ARFGEF1: variants seen among roughly 807,000 people sequenced by gnomAD.
ARFGEF1 encodes brefeldin A-inhibited guanine nucleotide-exchange protein 1.
Under a neutral mutation model 231.0 loss-of-function variants are expected in ARFGEF1, and 42 were observed. The ratio of observed to expected loss-of-function variants is 0.18; its 90% CI spans 0.14 to 0.24. The LOEUF (loss-of-function observed/expected upper bound fraction) is 0.24. ARFGEF1 is among the 10% of genes least tolerant of loss of function. The probability of loss-of-function intolerance (pLI) is 1.00; values close to 1 mark genes in which losing one functional copy is unlikely to be tolerated. For missense variants in ARFGEF1, 1,345 were observed against 2,192.0 expected (o/e 0.61, Z 7.72); for synonymous variants, 710 against 732.3 (o/e 0.97, Z 0.49).
intron 4 of ARFGEF1, 43 bp from the exon 5 acceptor site, chr8:67,296,653 TC>T: frequency 6.8e-7 from 1 of 1,480,504 alleles, no homozygotes; most frequent in Non-Finnish European, 9.1e-7. Flanking sequence ...ATTTTCTTTT[TC>T]TTTTTTTTTT....
chr8:67,195,270 G>A (rs774628629), downstream of ARFGEF1: 2 of 764,462 alleles, frequency 2.6e-6, no homozygotes, highest in Non-Finnish European at 4.8e-6. Flanking sequence ...TTCAGGATAT[G>A]AGACTGTGGG....
chr8:67,329,003 G>A (rs368367789), intron 1 of ARFGEF1, among the ~76,000 whole-genome samples: 14 of 152,052 alleles, frequency 9.2e-5, no homozygotes, highest in African/African-American at 1.2e-4. Flanking sequence ...TGAGGCGGGC[G>A]GATCACGAGA....
intron 5 of ARFGEF1, among the ~76,000 whole-genome samples, chr8:67,188,635 G>A (rs924388326): frequency 2.0e-5 from 3 of 151,850 alleles, no homozygotes; most frequent in African/African-American, 4.8e-5. Flanking sequence ...GTTACGGCTC[G>A]AGCTGAGCTT....
In ARFGEF1 at chr8:67,311,169, G is replaced by T. The variant is rs550625413; in HGVS notation, c.125-8703C>A. 2.7e-5 allele frequency among the ~76,000 whole-genome samples: 4 copies of T among 145,848 alleles called. No individual in the cohort carries two copies. In the East Asian group the frequency reaches 8.6e-4, roughly 31 times the overall value. On this transcript the variant is annotated intron_variant, in intron 1 of 38. Transcript: ENST00000262215. ...CGTCTGGGAGGTGAGGGGCGCCTCT[G>T]CCCGGCCGCCCCCACTGGGAAGTGA...
chr8:67,290,693 G>C (rs906470434), intron 6 of ARFGEF1, among the ~76,000 whole-genome samples: 3 of 152,132 alleles, frequency 2.0e-5, no homozygotes, highest in African/African-American at 7.2e-5. Flanking sequence ...AGCTTTATTA[G>C]AGATTAGCCC....
chr8:67,303,837 T>C (rs1806613950), intron 1 of ARFGEF1, among the ~76,000 whole-genome samples: 2 of 152,188 alleles, frequency 1.3e-5, no homozygotes, highest in South Asian at 4.1e-4. Flanking sequence ...ACTTTACATA[T>C]ACTAAACTTT....
At chr8:67,311,636 G>C (rs1453426640) in intron 1 of ARFGEF1, among the ~76,000 whole-genome samples, 1 of 151,104 alleles carries the variant, frequency 6.6e-6, no homozygotes, top group African/African-American at 2.4e-5. Context: ...CCCCCGCCCA[G>C]CCAGCCGCCC....
rs1838160679 is a variant in ARFGEF1, at chr8:67,198,116, G to T, written c.*818C>A. On this transcript the variant is annotated 3_prime_UTR_variant, in exon 39 of 39. Transcript: ENST00000262215. ...TCTTTAAAAGTCCTAAGAGAAATATGTGACAGGTAGTTACTGTCAGTAGGG... is the reference window on the plus strand; with the variant it reads ...TCTTTAAAAGTCCTAAGAGAAATATTTGACAGGTAGTTACTGTCAGTAGGG... The T allele has an allele frequency of 1.0e-6, 1 of 985,644 alleles. No individual in the cohort carries two copies. The highest frequency in any genetic ancestry group is 1.7e-5 in the African/African-American group (1 of 57,192). The allele number at this position is 985,644 out of a possible 1,614,324, so 61.1% of individuals were successfully genotyped here.
intron 5 of ARFGEF1, 60 bp downstream of exon 5, chr8:67,296,371 C>T (rs974890716): frequency 1.4e-6 from 2 of 1,472,202 alleles, no homozygotes; most frequent in African/African-American, 1.4e-5. Flanking sequence ...ACTGTAAACT[C>T]CTTTCTATGT....
intron 37 of ARFGEF1, 75 bp from the exon 38 acceptor site, chr8:67,200,588 A>G (rs1838292793): frequency 1.1e-6 from 1 of 880,002 alleles, no homozygotes; most frequent in Non-Finnish European, 1.8e-6. Flanking sequence ...AAGAGCAATC[A>G]TGAACATAGT....
chr8:67,249,753 C>A (rs1297403425), intron 19 of ARFGEF1, among the ~76,000 whole-genome samples: 1 of 152,108 alleles, frequency 6.6e-6, no homozygotes, highest in African/African-American at 2.4e-5. Context: ...ATTCAAGTAC[C>A]TGGGACTACA....
chr8:67,309,967 C>T (rs193220652), intron 1 of ARFGEF1, among the ~76,000 whole-genome samples: 339 of 152,278 alleles, frequency 2.2e-3, no homozygotes, highest in African/African-American at 7.3e-3. Flanking sequence ...ATTGACTTCA[C>T]GATCCAACTT....
intron 9 of ARFGEF1, among the ~76,000 whole-genome samples, chr8:67,272,512 C>T: frequency 6.6e-6 from 1 of 152,034 alleles, no homozygotes; most frequent in East Asian, 1.9e-4. Context: ...TATTTAACAT[C>T]AACGTATTGT....
chr8:67,265,406 G>C (rs1487764781), intron 14 of ARFGEF1, among the ~76,000 whole-genome samples: 2 of 151,904 alleles, frequency 1.3e-5, no homozygotes, highest in Non-Finnish European at 2.9e-5. Context: ...GCATCTCTTT[G>C]AAAAAAAGAG....
In ARFGEF1 at chr8:67,343,321, C is replaced by T. The variant is rs767106568; in HGVS notation, c.-34G>A. 1.1e-5 allele frequency: 18 copies of T among 1,607,864 alleles called. No individual in the cohort carries two copies. Among genetic ancestry groups the T allele is most frequent in the Admixed American group, 1.7e-5 (1 of 59,786 alleles). On this transcript the variant is annotated 5_prime_UTR_variant, in exon 1 of 39. Coordinates refer to ENST00000262215, the MANE Select transcript of ARFGEF1 (RefSeq NM_006421.5). ...AGAAGGAGGCGGCGGCTCGTCCGAC[C>T]CGCGGCTCCCAGCGGCTGGAGGGGA... is the stretch of plus-strand genomic sequence containing the variant.
At chr8:67,236,365 A>AAAAAAAAT (rs1554638966) in intron 22 of ARFGEF1, among the ~76,000 whole-genome samples, 1 of 29,066 alleles carries the variant, frequency 3.4e-5, no homozygotes, top group African/African-American at 1.3e-4. Context: ...AAAAAAAAAA[A>AAAAAAAAT]ATATATATAT....
rs762896279 is a variant in ARFGEF1, at chr8:67,238,542, T to C, written c.3139-49A>G. 1.9e-4 allele frequency: 300 copies of C among 1,540,148 alleles called. 1 individual carries two copies. In the Admixed American group the frequency reaches 2.2e-3, roughly 12 times the overall value. On this transcript the variant is annotated intron_variant, in intron 21 of 38. Transcript: ENST00000262215. ...TGTTAAATTCCATGTTAAAAATATC[T>C]TCAAAAAGATTTAAATATATGCAGC...
chr8:67,321,452 TTTTTGTTTG>T (rs1182951247), intron 1 of ARFGEF1, among the ~76,000 whole-genome samples: 11 of 152,012 alleles, frequency 7.2e-5, no homozygotes, highest in African/African-American at 2.7e-4. Context: ...ACTTCTGTTT[TTTTTGTTTG>T]TTTTGTTTTT....
At chr8:67,270,946 C>T (rs1393477564) in intron 10 of ARFGEF1, among the ~76,000 whole-genome samples, 1 of 149,276 alleles carries the variant, frequency 6.7e-6, no homozygotes, top group African/African-American at 2.5e-5. Flanking sequence ...ATCGCTTGAA[C>T]CCAGCAGGCG....
Sources: allele counts gnomAD v4.1 joint callset (sites outside exome capture counted in the v4.1 genomes callset), GRCh38; gene constraint gnomAD v4.1.1; transcripts MANE v1.5; gene names NCBI Gene and HGNC (gene_info 2026-07-23, HGNC 2026-07-21).